Variants in ZNF362 observed in about 807,000 individuals in gnomAD.
ZNF362 encodes rotund homolog.
In ZNF362, 11 loss-of-function variants were observed where a neutral mutation model predicts 42.9. That is an observed-to-expected ratio of 0.26 (90% CI 0.16 to 0.42). ZNF362 has a LOEUF of 0.42. Ranked by LOEUF, ZNF362 falls within the 20% of genes least tolerant of loss-of-function variation. ZNF362 has a pLI of 1.00. For synonymous variants in ZNF362, 255 were observed against 257.3 expected (o/e 0.99, Z 0.09); for missense variants, 362 against 576.2 (o/e 0.63, Z 3.81).
the ZNF362 span, among the ~76,000 whole-genome samples, chr1:33,244,181 G>A: frequency 2.0e-5 from 3 of 152,070 alleles, no homozygotes; most frequent in South Asian, 2.1e-4. This position sits in a 1 kb window ranked among gnomAD's most constrained non-coding sequence, Gnocchi z 4.0. Context: ...TCCCCTTCCC[G>A]TCATTCCCAG....
At chr1:33,188,348 G>C in the ZNF362 span, among the ~76,000 whole-genome samples, 1 of 152,304 alleles carries the variant, frequency 6.6e-6, no homozygotes, top group African/African-American at 2.4e-5. Context: ...ATGCAGCCCT[G>C]GTTGGTATGG....
At chr1:33,189,728 CAT>C in the ZNF362 span, among the ~76,000 whole-genome samples, 1 of 97,224 alleles carries the variant, frequency 1.0e-5, no homozygotes, top group African/African-American at 4.4e-5. Flanking sequence ...TACATACACA[CAT>C]ACACATATAT....
At chr1:33,131,575 T>C in the ZNF362 span, among the ~76,000 whole-genome samples, 1 of 152,210 alleles carries the variant, frequency 6.6e-6, no homozygotes, top group South Asian at 2.1e-4. Context: ...AAATATTGAA[T>C]ATTGATTTTA....
the ZNF362 span, among the ~76,000 whole-genome samples, chr1:33,230,265 A>G: frequency 6.6e-6 from 1 of 152,186 alleles, no homozygotes; most frequent in Non-Finnish European, 1.5e-5. Flanking sequence ...GTAAACCTGA[A>G]AAGTTCTCAA....
the ZNF362 span, among the ~76,000 whole-genome samples, chr1:33,229,621 G>A: frequency 4.0e-5 from 6 of 151,066 alleles, no homozygotes; most frequent in South Asian, 1.0e-3. Flanking sequence ...TGGCCAGACT[G>A]GTCTCGAACT....
chr1:33,157,357 G>A, the ZNF362 span, among the ~76,000 whole-genome samples: 2 of 152,088 alleles, frequency 1.3e-5, no homozygotes, highest in Non-Finnish European at 2.9e-5. Context: ...CATGCCAGGA[G>A]CACTCTTCCT....
In ZNF362 at chr1:33,300,342, C is replaced by G. The variant is rs1044720230; in HGVS notation, c.*1296C>G. On this transcript the variant is annotated 3_prime_UTR_variant, in exon 9 of 9. Coordinates refer to ENST00000539719, the MANE Select transcript of ZNF362 (RefSeq NM_152493.3). ...CACCCCCGGCCCTTTGTTTGACTTG[C>G]GTCGTCTGATACTCAGTATTGTAGC... 7.7e-6 allele frequency: 1 copy of G among 129,272 alleles called. No homozygotes were observed. Among genetic ancestry groups the G allele is most frequent in the Non-Finnish European group, 1.6e-5 (1 of 63,062 alleles). 8.0% of individuals were successfully genotyped at this position (129,272 alleles called of 1,614,324 possible).
the ZNF362 span, among the ~76,000 whole-genome samples, chr1:33,160,522 A>T: frequency 1.3e-5 from 2 of 152,050 alleles, no homozygotes; most frequent in Non-Finnish European, 2.9e-5. Flanking sequence ...CTCCAGCCTC[A>T]GCCTCCCTAG....
At chr1:33,247,705 T>C in the ZNF362 span, among the ~76,000 whole-genome samples, 1 of 152,184 alleles carries the variant, frequency 6.6e-6, no homozygotes, top group Non-Finnish European at 1.5e-5. Flanking sequence ...GGGCCAGTCT[T>C]GAAAGGGAGC....
chr1:33,170,912 G>C, the ZNF362 span, among the ~76,000 whole-genome samples: 2 of 152,222 alleles, frequency 1.3e-5, no homozygotes, highest in African/African-American at 4.8e-5. Flanking sequence ...ACAGGGCACA[G>C]AGCCTGGCAC....
intron 1 of ZNF362, 89 bp from the exon 2 acceptor site, chr1:33,270,398 T>G (rs1234422337): frequency 1.7e-6 from 1 of 578,900 alleles, no homozygotes; most frequent in Non-Finnish European, 3.1e-6. Context: ...TCATGACATA[T>G]TCAACACATA....
chr1:33,218,441 T>A, the ZNF362 span, among the ~76,000 whole-genome samples: 1 of 152,030 alleles, frequency 6.6e-6, no homozygotes. Flanking sequence ...CAAAAAAAAA[T>A]GTGAATATTA....
chr1:33,298,539 A>G (rs1228500739), intron 8 of ZNF362, among the ~76,000 whole-genome samples: 1 of 152,114 alleles, frequency 6.6e-6, no homozygotes, highest in Non-Finnish European at 1.5e-5. Flanking sequence ...ACTAAGAAAG[A>G]GCAGAGCTAG....
At chr1:33,129,705 TC>T in the ZNF362 span, among the ~76,000 whole-genome samples, 5 of 152,178 alleles carry the variant, frequency 3.3e-5, no homozygotes, top group East Asian at 9.6e-4. This position sits in a 1 kb window ranked among gnomAD's most constrained non-coding sequence, Gnocchi z 4.1. Flanking sequence ...GAGATTCTCT[TC>T]CTGGTTTGCA....
intron 1 of ZNF362, among the ~76,000 whole-genome samples, chr1:33,257,408 CTCTT>C (rs372900265): frequency 1.5e-3 from 224 of 149,338 alleles, no homozygotes; most frequent in Middle Eastern, 7.0e-3. Context: ...TGCTTTGCTT[CTCTT>C]TCTTTCTTTC....
chr1:33,300,658 A>ATG lies in ZNF362; in HGVS notation c.*1613_*1614insGT, dbSNP rs1553180730. The ATG allele has an allele frequency of 6.6e-6, 1 of 152,092 alleles. No homozygotes were observed. The highest frequency in any genetic ancestry group is 1.5e-5 in the Non-Finnish European group (1 of 68,030). The allele number at this position is 152,092 out of a possible 1,614,324, so 9.4% of individuals were successfully genotyped here. A position where few individuals can be genotyped will look rare whatever the true frequency, so the allele number is the denominator to read the frequency against. Reference sequence around the variant, plus strand: ...ACTAAAGGGGGCAAGAAACAAAGGAATTACAAACCCTCTGCTCTTTGTATT... The same window carrying ATG: ...ACTAAAGGGGGCAAGAAACAAAGGAATGTTACAAACCCTCTGCTCTTTGTATT... On this transcript the variant is annotated 3_prime_UTR_variant, in exon 9 of 9. Transcript: ENST00000539719.
At chr1:33,248,857 G>C in the ZNF362 span, among the ~76,000 whole-genome samples, 1 of 152,106 alleles carries the variant, frequency 6.6e-6, no homozygotes, top group Admixed American at 6.5e-5. Context: ...CACCAGTGCC[G>C]GCCACTGCTC....
At chr1:33,228,915 C>G in the ZNF362 span, among the ~76,000 whole-genome samples, 1 of 152,172 alleles carries the variant, frequency 6.6e-6, no homozygotes, top group Admixed American at 6.5e-5. Context: ...ACTTCATCTC[C>G]TACTGCTTGT....
the ZNF362 span, among the ~76,000 whole-genome samples, chr1:33,182,697 T>G: frequency 1.4e-4 from 22 of 151,894 alleles, 1 homozygote; most frequent in South Asian, 4.4e-3. Flanking sequence ...TTGTCTTGTG[T>G]GCCAGATGGA....
Sources: gnomAD v4.1 joint callset for allele counts (sites outside exome capture counted in the v4.1 genomes callset) on GRCh38, gnomAD v4.1.1 for gene constraint, Gnocchi (gnomAD v3.1) non-coding constraint, MANE v1.5 for transcripts, NCBI Gene and HGNC (gene_info 2026-07-23, HGNC 2026-07-21) for gene names.